ZNF787: variants seen among roughly 807,000 people sequenced by gnomAD.
The protein encoded by ZNF787 is TTF-I-interacting peptide 20.
A neutral mutation model predicts 16.9 loss-of-function variants in ZNF787; 7 were observed. The observed-to-expected ratio is 0.42, with a 90% CI of 0.24 to 0.78. The LOEUF (loss-of-function observed/expected upper bound fraction) is 0.78. ZNF787 is among the 30% of genes least tolerant of loss of function. The pLI is 0.30. For missense variants in ZNF787, 551 were observed against 589.3 expected (o/e 0.94, Z 0.67); for synonymous variants, 345 against 270.9 (o/e 1.27, Z -2.69).
At chr19:56,098,216 AC>A (rs1599945512) in intron 2 of ZNF787, among the ~76,000 whole-genome samples, 1 of 152,190 alleles carries the variant, frequency 6.6e-6, no homozygotes, top group East Asian at 1.9e-4. Flanking sequence ...TGAACAGGGG[AC>A]ATGGCCGGGA....
chr19:56,107,480 G>A (rs1009448913), intron 1 of ZNF787, among the ~76,000 whole-genome samples: 3 of 144,424 alleles, frequency 2.1e-5, no homozygotes, highest in East Asian at 1.9e-4. Flanking sequence ...CGGGAGACAC[G>A]GGGTCACCGG....
In ZNF787 at chr19:56,088,805, C is replaced by A. The variant is rs749786753; in HGVS notation, c.367G>T (p.Ala123Ser). 3 of 1,610,744 alleles carry A rather than the reference C, an allele frequency of 1.9e-6. No homozygotes were observed. The Admixed American group carries it at 5.0e-5, about 27-fold the overall frequency. The change falls in exon 3 of 3, where the codon GCC becomes TCC. Residue 123 changes from alanine (A) to serine (S), a missense_variant. Around this residue, in one of 4 missense-constraint regions of ZNF787, gnomAD observed 39 missense variants for 109.9 expected, o/e 0.35. Coordinates refer to ENST00000610935, the MANE Select transcript of ZNF787 (RefSeq NM_001002836.4). This position sits in a 1 kb window ranked among gnomAD's most constrained non-coding sequence, Gnocchi z 8.6. ...RRIHTGEKPY[A>S]CLECGKRFSW... is the part of the protein sequence containing the mutation. ...AAGCGCTTGCCGCACTCCAAGCAGG[C>A]GTAGGGCTTCTCGCCCGTGTGGATG...
chr19:56,087,985 C>T lies in ZNF787; in HGVS notation c.*38G>A, dbSNP rs1299715988. ...TGCACGTCGTCGCTCCCGCCAAGCC[C>T]GAGGGGCCCTGCCCGCCCCCCCCCC... is the stretch of plus-strand genomic sequence containing the variant. On this transcript the variant is annotated 3_prime_UTR_variant, in exon 3 of 3. Coordinates refer to ENST00000610935, the MANE Select transcript of ZNF787 (RefSeq NM_001002836.4). 2.9e-5 allele frequency: 38 copies of T among 1,297,814 alleles called. No individual in the cohort carries two copies. Among genetic ancestry groups the T allele is most frequent in the Admixed American group, 4.5e-5 (1 of 22,370 alleles). The allele number at this position is 1,297,814 out of a possible 1,614,324, so 80.4% of individuals were successfully genotyped here.
chr19:56,107,375 G>GCT (rs1382739185), intron 1 of ZNF787, among the ~76,000 whole-genome samples: 1 of 152,194 alleles, frequency 6.6e-6, no homozygotes, highest in African/African-American at 2.4e-5. Flanking sequence ...TGAAGGCCGC[G>GCT]CTCTCCAGGG....
intron 2 of ZNF787, among the ~76,000 whole-genome samples, chr19:56,094,720 G>C (rs1417783917): frequency 3.3e-5 from 5 of 152,130 alleles, no homozygotes; most frequent in Non-Finnish European, 7.3e-5. Flanking sequence ...ACTAGGGACT[G>C]GTTTTGTGGA....
intron 1 of ZNF787, among the ~76,000 whole-genome samples, chr19:56,114,031 A>T (rs2030058987): frequency 1.3e-5 from 2 of 152,170 alleles, no homozygotes; most frequent in South Asian, 4.1e-4. Flanking sequence ...ATATCATAAT[A>T]AAACTGTTCT....
Position 56,089,009 on chromosome 19 carries a change from C to G in ZNF787, c.163G>C (p.Gly55Arg). ...LSPPQSAPPAGPPPRPRPPAP... is the reference protein window; with the variant it reads ...LSPPQSAPPARPPPRPRPPAP... ...GGCGGCCGCGGCCGGGGAGGCGGGC[C>G]GGCTGGGGGCGCAGACTGGGGCGGG... Residue 55 changes from glycine (G) to arginine (R), a missense_variant, in exon 3 of 3, where the codon GGC (glycine) becomes CGC (arginine). Physicochemically the swap from Gly to Arg is moderately radical, Grantham distance 125. Around this residue, in one of 4 missense-constraint regions of ZNF787, gnomAD observed 80 missense variants for 105.9 expected, o/e 0.76. Transcript: ENST00000610935. 6.8e-7 allele frequency: 1 copy of G among 1,474,318 alleles called. No individual in the cohort carries two copies. The highest frequency in any genetic ancestry group is 2.5e-5 in the East Asian group (1 of 39,878). 91.3% of individuals were successfully genotyped at this position (1,474,318 alleles called of 1,614,324 possible). A position where few individuals can be genotyped will look rare whatever the true frequency, so the allele number is the denominator to read the frequency against.
At chr19:56,116,194 C>T (rs2030132918) in intron 1 of ZNF787, among the ~76,000 whole-genome samples, 1 of 152,046 alleles carries the variant, frequency 6.6e-6, no homozygotes, top group South Asian at 2.1e-4. Context: ...GTAATCCCAG[C>T]ACTCTGGGAG....
At chr19:56,118,289 T>C (rs1168738456) in intron 1 of ZNF787, among the ~76,000 whole-genome samples, 2 of 152,186 alleles carry the variant, frequency 1.3e-5, no homozygotes, top group Non-Finnish European at 2.9e-5. Flanking sequence ...TCTCCCACTA[T>C]GCTGGGGTTC....
At chr19:56,090,807 G>A (rs1315152806) in intron 2 of ZNF787, among the ~76,000 whole-genome samples, 1 of 152,244 alleles carries the variant, frequency 6.6e-6, no homozygotes. Flanking sequence ...GGGCGACAGA[G>A]CAAGACTCCA....
At chr19:56,108,800 G>T (rs184909407) in intron 1 of ZNF787, among the ~76,000 whole-genome samples, 1 of 152,070 alleles carries the variant, frequency 6.6e-6, no homozygotes, top group African/African-American at 2.4e-5. Flanking sequence ...ACCTCCCCTC[G>T]GACAGACCCC....
rs758232437 is a variant in ZNF787, at chr19:56,088,074, G to C, written c.1098C>G (p.Asp366Glu). The C allele has an allele frequency of 2.9e-6, 4 of 1,382,426 alleles. No individual in the cohort carries two copies. The African/African-American group carries it at 4.9e-5, about 17-fold the overall frequency. The allele number at this position is 1,382,426 out of a possible 1,614,324, so 85.6% of individuals were successfully genotyped here. A position where few individuals can be genotyped will look rare whatever the true frequency, so the allele number is the denominator to read the frequency against. ...CGGGGCACCGCCCGCCCGCGGCCTC[G>C]TCGTCGTCGTCCTCCTCCTCCCCGC... ...RAGGEEEDDD[D>E]EAAGGRCPEC... is the part of the protein sequence containing the mutation. The change falls in exon 3 of 3, where the codon GAC becomes GAG. Residue 366 changes from aspartate (D) to glutamate (E), a missense_variant. By Grantham distance (45) the Asp-to-Glu change is conservative. This residue lies in a region of ZNF787 where 392 missense variants were observed against 312.7 expected (regional missense o/e 1.25). Transcript: ENST00000610935. This position sits in a 1 kb window ranked among gnomAD's most constrained non-coding sequence, Gnocchi z 8.6.
At chr19:56,107,649 C>T (rs1174804515) in intron 1 of ZNF787, among the ~76,000 whole-genome samples, 1 of 143,602 alleles carries the variant, frequency 7.0e-6, no homozygotes, top group African/African-American at 2.7e-5. Context: ...GAAGGAAGCA[C>T]ACGGGGAGGG....
intron 1 of ZNF787, among the ~76,000 whole-genome samples, chr19:56,103,809 G>A (rs1264136628): frequency 7.3e-6 from 1 of 136,960 alleles, no homozygotes; most frequent in Admixed American, 7.1e-5. Flanking sequence ...CTCTACGCAC[G>A]ACACCACCGA....
At chr19:56,120,968 G>A (rs2030278731) in intron 1 of ZNF787, among the ~76,000 whole-genome samples, 1 of 121,936 alleles carries the variant, frequency 8.2e-6, no homozygotes, top group Non-Finnish European at 1.7e-5. Flanking sequence ...CCCTCCCACA[G>A]CTCTTCGGCG....
rs188800890 is a variant in ZNF787, at chr19:56,116,649, G to A, written c.-11+4523C>T. Among the ~76,000 whole-genome samples the A allele has an allele frequency of 5.4e-3, 819 of 151,252 alleles. 7 individuals carry two copies. The highest frequency in any genetic ancestry group is 0.019 in the African/African-American group (769 of 41,262). On this transcript the variant is annotated intron_variant, in intron 1 of 2. Coordinates refer to ENST00000610935, the MANE Select transcript of ZNF787 (RefSeq NM_001002836.4). ...CACACACACACAAAACCACACCTGCGGACCACCTTACATTCTGTGACCCCT... is the reference window on the plus strand; with the variant it reads ...CACACACACACAAAACCACACCTGCAGACCACCTTACATTCTGTGACCCCT...
intron 2 of ZNF787, among the ~76,000 whole-genome samples, chr19:56,098,586 T>G (rs1985962877): frequency 7.6e-6 from 1 of 132,032 alleles, no homozygotes; most frequent in African/African-American, 3.1e-5. Flanking sequence ...GGCCACCAGG[T>G]GATTACGGCC....
chr19:56,110,193 C>G (rs1266142734), intron 1 of ZNF787, among the ~76,000 whole-genome samples: 1 of 152,070 alleles, frequency 6.6e-6, no homozygotes, highest in African/African-American at 2.4e-5. Flanking sequence ...AATCTTGTCT[C>G]TACTAATAAT....
chr19:56,088,536 C>T lies in ZNF787; in HGVS notation c.636G>A (p.Val212=), dbSNP rs563092209. 3 of 1,452,540 alleles carry T rather than the reference C, an allele frequency of 2.1e-6. No homozygotes were observed. Among genetic ancestry groups the T allele is most frequent in the Admixed American group, 2.8e-5 (1 of 36,296 alleles). 90.0% of individuals were successfully genotyped at this position (1,452,540 alleles called of 1,614,324 possible). The change falls in exon 3 of 3, where the codon GTG becomes GTA. Residue 212 remains valine, a synonymous_variant. Transcript: ENST00000610935. The surrounding 1 kb of genome is among the most constrained non-coding windows in gnomAD (Gnocchi z 8.6). ...TGGCCCGCCGGACGCTAGCCGCCAG[C>T]ACCTTGGCCGCCACGCCAGGCCCCG... The part of the protein sequence containing the change: ...ELSGPGVAAK[V]LAASVRRAKG...
Sources: gnomAD v4.1 joint callset for allele counts (sites outside exome capture counted in the v4.1 genomes callset) on GRCh38, gnomAD v4.1.1 for gene constraint, gnomAD v4.1.1 regional missense constraint, Gnocchi (gnomAD v3.1) non-coding constraint, MANE v1.5 for transcripts, NCBI Gene and HGNC (gene_info 2026-07-23, HGNC 2026-07-21) for gene names.